Variants in FARP1 observed in about 807,000 individuals in gnomAD.
The protein encoded by FARP1 is FERM, ARH/RhoGEF and pleckstrin domain protein 1, also known as FERM, ARHGEF and pleckstrin domain-containing protein 1.
Under a neutral mutation model 128.8 loss-of-function variants are expected in FARP1, and 52 were observed. The ratio of observed to expected loss-of-function variants is 0.40; its 90% CI spans 0.32 to 0.51. FARP1 has a LOEUF of 0.51. Ranked by LOEUF, FARP1 falls within the 20% of genes least tolerant of loss-of-function variation. The pLI is 0.45. For synonymous variants in FARP1, 580 were observed against 551.8 expected, an observed-to-expected ratio of 1.05 and a Z score of -0.72; for missense variants, 1,333 against 1,367.9, an observed-to-expected ratio of 0.97 and a Z score of 0.40.
chr13:98,304,950 C>A (rs906106588), intron 2 of FARP1, among the ~76,000 whole-genome samples: 2 of 152,074 alleles, frequency 1.3e-5, no homozygotes, highest in Middle Eastern at 3.2e-3. Context: ...AATCTTTCAG[C>A]CTCATCTGTC....
intron 2 of FARP1, among the ~76,000 whole-genome samples, chr13:98,218,555 T>G (rs908132735): frequency 8.5e-5 from 13 of 152,322 alleles, no homozygotes; most frequent in African/African-American, 3.1e-4. Context: ...AGGTTTTTAA[T>G]CTTAGAGCAA....
chr13:98,371,587 C>T (rs1327000752), intron 5 of FARP1, among the ~76,000 whole-genome samples: 1 of 152,042 alleles, frequency 6.6e-6, no homozygotes, highest in African/African-American at 2.4e-5. Flanking sequence ...TCCATCACTC[C>T]CCACTTGGTA....
chr13:98,313,140 A>ACT (rs1206629366), intron 2 of FARP1, among the ~76,000 whole-genome samples: 4 of 121,628 alleles, frequency 3.3e-5, no homozygotes, highest in East Asian at 2.1e-4. Flanking sequence ...ACACACACAC[A>ACT]CTCACTCGAA....
chr13:98,290,951 G>C (rs866906908), intron 2 of FARP1, among the ~76,000 whole-genome samples: 14 of 152,126 alleles, frequency 9.2e-5, no homozygotes, highest in South Asian at 6.2e-4. Flanking sequence ...CATATGAAAG[G>C]AACTTGAAAT....
intron 3 of FARP1, among the ~76,000 whole-genome samples, chr13:98,352,046 G>A (rs1334149166): frequency 6.6e-6 from 1 of 152,132 alleles, no homozygotes; most frequent in Non-Finnish European, 1.5e-5. Flanking sequence ...TGGTGGTGGT[G>A]GAAGCATAGT....
intron 19 of FARP1, among the ~76,000 whole-genome samples, chr13:98,437,242 G>A (rs1335840872): frequency 6.6e-6 from 1 of 152,166 alleles, no homozygotes; most frequent in African/African-American, 2.4e-5. Context: ...AGGTGATGAT[G>A]GGCAAGTTTC....
chr13:98,415,889 G>C (rs1269942003), intron 16 of FARP1, among the ~76,000 whole-genome samples: 1 of 152,260 alleles, frequency 6.6e-6, no homozygotes. Context: ...CCATGGGGCT[G>C]TCTTCAGCTG....
chr13:98,332,095 C>A (rs564038625), intron 2 of FARP1, among the ~76,000 whole-genome samples: 4 of 151,872 alleles, frequency 2.6e-5, no homozygotes, highest in Non-Finnish European at 5.9e-5. Flanking sequence ...CATAACTTTA[C>A]CATTTTAACC....
chr13:98,429,112 A>G lies in FARP1; in HGVS notation c.1906-1931A>G, dbSNP rs974154645. Among the ~76,000 whole-genome samples the G allele has an allele frequency of 5.9e-5, 9 of 152,282 alleles. No homozygotes were observed. In the East Asian group the frequency reaches 7.7e-4, roughly 13 times the overall value. ...TCTTTGCAACTTCCTATGAATGTCT[A>G]TTTCAAAACAGAAAGTCATGAAATC... On this transcript the variant is annotated intron_variant, in intron 17 of 26. Coordinates refer to ENST00000319562, the MANE Select transcript of FARP1 (RefSeq NM_005766.4).
intron 1 of FARP1, among the ~76,000 whole-genome samples, chr13:98,200,604 T>C (rs1879877926): frequency 6.6e-6 from 1 of 152,164 alleles, no homozygotes; most frequent in Non-Finnish European, 1.5e-5. Flanking sequence ...AGTTCCTAAG[T>C]TGAGACTAGA....
chr13:98,424,834 A>G (rs573724044), intron 17 of FARP1, among the ~76,000 whole-genome samples, 184 bp downstream of exon 17: 16 of 151,996 alleles, frequency 1.1e-4, no homozygotes, highest in Non-Finnish European at 2.2e-4. Context: ...AATGTGGCCC[A>G]ACACAAATTC....
chr13:98,353,112 G>A (rs74108851), intron 3 of FARP1, among the ~76,000 whole-genome samples: 1 of 152,130 alleles, frequency 6.6e-6, no homozygotes, highest in African/African-American at 2.4e-5. Flanking sequence ...CAAGGGGATG[G>A]TGCGAAGCCA....
intron 2 of FARP1, among the ~76,000 whole-genome samples, chr13:98,319,595 G>C (rs1886902258): frequency 6.6e-6 from 1 of 152,178 alleles, no homozygotes; most frequent in Non-Finnish European, 1.5e-5. Flanking sequence ...ACTCCAGCCT[G>C]GGCAACAGAG....
intron 1 of FARP1, among the ~76,000 whole-genome samples, chr13:98,197,062 C>G (rs573063440): frequency 6.6e-5 from 10 of 152,284 alleles, no homozygotes; most frequent in African/African-American, 2.2e-4. Context: ...TTTTTAATGG[C>G]TTAATGGAAA....
intron 6 of FARP1, among the ~76,000 whole-genome samples, chr13:98,379,203 A>G (rs1238791290): frequency 8.1e-6 from 1 of 123,684 alleles, no homozygotes; most frequent in African/African-American, 3.0e-5. Flanking sequence ...TATAATATAT[A>G]TATAATATAT....
intron 2 of FARP1, among the ~76,000 whole-genome samples, chr13:98,316,867 A>G (rs184200411): frequency 6.0e-4 from 92 of 152,356 alleles, no homozygotes; most frequent in Middle Eastern, 6.8e-3. Flanking sequence ...ACTCCCGCTC[A>G]GAAGCAACCA....
intron 1 of FARP1, among the ~76,000 whole-genome samples, chr13:98,198,543 G>A (rs1290110882): frequency 1.3e-5 from 2 of 152,064 alleles, no homozygotes; most frequent in Admixed American, 6.5e-5. Flanking sequence ...ATGAGCCTAG[G>A]CTGTATAGCA....
intron 10 of FARP1, 31 bp from the exon 11 acceptor site, chr13:98,390,781 C>T (rs770385639): frequency 2.6e-6 from 4 of 1,555,338 alleles, no homozygotes; most frequent in Non-Finnish European, 3.5e-6. Flanking sequence ...CTTGGTATTT[C>T]TCCCCTTCCC....
chr13:98,305,369 C>T (rs968753907), intron 2 of FARP1, among the ~76,000 whole-genome samples: 2 of 151,604 alleles, frequency 1.3e-5, no homozygotes, highest in African/African-American at 4.9e-5. Context: ...CTCTTGTTGC[C>T]AAGGCTGGAG....
Sources: gnomAD v4.1 joint callset for allele counts (sites outside exome capture counted in the v4.1 genomes callset) on GRCh38, gnomAD v4.1.1 for gene constraint, MANE v1.5 for transcripts, NCBI Gene and HGNC (gene_info 2026-07-23, HGNC 2026-07-21) for gene names.